NFE2L3: variants seen among roughly 807,000 people sequenced by gnomAD.
NFE2L3 encodes NFE2 like bZIP transcription factor 3.
Under a neutral mutation model 23.5 loss-of-function variants are expected in NFE2L3, and 18 were observed. The ratio of observed to expected loss-of-function variants is 0.77; its 90% CI spans 0.53 to 1.13. The LOEUF (loss-of-function observed/expected upper bound fraction) is 1.13. Ranked by LOEUF, NFE2L3 falls within the 50% of genes most tolerant of loss-of-function variation. The probability of loss-of-function intolerance (pLI) is 0.00; values close to 1 mark genes in which losing one functional copy is unlikely to be tolerated. For synonymous variants in NFE2L3, 424 were observed against 354.5 expected (o/e 1.20, Z -2.20); for missense variants, 1,152 against 877.2 (o/e 1.31, Z -3.96).
At position 26,184,878 on chromosome 7, in the gene NFE2L3, T is replaced by C; in HGVS notation, c.1180T>C (p.Leu394=). 6.2e-7 allele frequency: 1 copy of C among 1,613,768 alleles called. No individual in the cohort carries two copies. The highest frequency in any genetic ancestry group is 8.5e-7 in the Non-Finnish European group (1 of 1,179,746). ...CATAAATATATTTGATGAGATAAACTTAATGTCATTGGCCACAGAAGACAA... is the reference window on the plus strand; with the variant it reads ...CATAAATATATTTGATGAGATAAACCTAATGTCATTGGCCACAGAAGACAA... The part of the protein sequence containing the change: ...LDINIFDEIN[L]MSLATEDNFD... Residue 394 remains leucine, a synonymous_variant, in exon 4 of 4, where the codon TTA becomes CTA. Transcript: ENST00000056233.
chr7:26,181,252 C>T lies in NFE2L3; in HGVS notation c.751-2449C>T, dbSNP rs190276984. Among the ~76,000 whole-genome samples, 101 of 152,292 alleles carry T rather than the reference C, an allele frequency of 6.6e-4. No individual in the cohort carries two copies. In the East Asian group the frequency reaches 0.017, roughly 26 times the overall value. Reference sequence around the variant, plus strand: ...TTGGCCTCCCAAAGTGCTGGGATTACAGGTGTGAGCCACTGCACCCAGCCA... The same window carrying T: ...TTGGCCTCCCAAAGTGCTGGGATTATAGGTGTGAGCCACTGCACCCAGCCA... On this transcript the variant is annotated intron_variant, in intron 2 of 3. Transcript: ENST00000056233.
In NFE2L3 at chr7:26,152,560, T is replaced by C; in HGVS notation, c.62T>C (p.Leu21Pro). The C allele has an allele frequency of 6.6e-7, 1 of 1,526,662 alleles. No homozygotes were observed. Among genetic ancestry groups the C allele is most frequent in the Non-Finnish European group, 8.7e-7 (1 of 1,145,654 alleles). 94.6% of individuals were successfully genotyped at this position (1,526,662 alleles called of 1,614,324 possible). A position where few individuals can be genotyped will look rare whatever the true frequency, so the allele number is the denominator to read the frequency against. The change falls in exon 1 of 4, where the codon CTG becomes CCG. Residue 21 changes from leucine to proline, a missense_variant. Physicochemically the swap from Leu to Pro is moderately conservative, Grantham distance 98. Transcript: ENST00000056233. The surrounding 1 kb of genome is among the most constrained non-coding windows in gnomAD (Gnocchi z 4.4). ...GGCCTCCTGCACCTCACCCTCCTGC[T>C]GAGCTTGGCGGGGCTCCGCGTAGAC... ...GGGLLHLTLL[L>P]SLAGLRVDLD...
At chr7:26,172,856 A>G (rs1583932805) in intron 1 of NFE2L3, among the ~76,000 whole-genome samples, 1 of 152,050 alleles carries the variant, frequency 6.6e-6, no homozygotes, top group East Asian at 1.9e-4. Flanking sequence ...TAGTGTTATT[A>G]TTTTTCTTTT....
chr7:26,158,296 G>A (rs1784115841), intron 1 of NFE2L3, among the ~76,000 whole-genome samples: 1 of 152,110 alleles, frequency 6.6e-6, no homozygotes, highest in African/African-American at 2.4e-5. Context: ...GACATCATTG[G>A]ATAAGGGTCT....
chr7:26,153,197 G>C, intron 1 of NFE2L3, 129 bp downstream of exon 1: 4 of 892,308 alleles, frequency 4.5e-6, no homozygotes, highest in Non-Finnish European at 6.3e-6. Context: ...GTCTTTGCAG[G>C]TTCGCAGATG....
At chr7:26,175,696 G>A (rs531247752) in intron 1 of NFE2L3, among the ~76,000 whole-genome samples, 7 of 151,190 alleles carry the variant, frequency 4.6e-5, no homozygotes, top group South Asian at 4.2e-4. Context: ...GGAGAATGGC[G>A]TGAACCCGGG....
chr7:26,172,279 T>C (rs1341069963), intron 1 of NFE2L3, among the ~76,000 whole-genome samples: 1 of 152,220 alleles, frequency 6.6e-6, no homozygotes, highest in Non-Finnish European at 1.5e-5. Context: ...TTTAGCTAAA[T>C]ATAATTTCAA....
intron 1 of NFE2L3, chr7:26,174,377 G>C (rs1021947131): frequency 3.3e-5 from 5 of 152,166 alleles, no homozygotes; most frequent in Non-Finnish European, 7.3e-5. Flanking sequence ...CCAAGGGAGG[G>C]GTTTTTAAAG....
intron 2 of NFE2L3, among the ~76,000 whole-genome samples, chr7:26,183,359 C>G (rs1030415006): frequency 1.4e-5 from 2 of 147,646 alleles, no homozygotes; most frequent in African/African-American, 2.5e-5. Context: ...ACCAACTTGG[C>G]CAACATGGTG....
intron 1 of NFE2L3, among the ~76,000 whole-genome samples, chr7:26,161,645 G>C (rs1230757680): frequency 6.6e-6 from 1 of 151,970 alleles, no homozygotes; most frequent in African/African-American, 2.4e-5. Flanking sequence ...TGAATTTAAG[G>C]CTCAGAGCAG....
chr7:26,158,195 C>A (rs892383205), intron 1 of NFE2L3, among the ~76,000 whole-genome samples: 44 of 152,072 alleles, frequency 2.9e-4, no homozygotes, highest in African/African-American at 9.9e-4. Context: ...ATTACAGGCG[C>A]CTGCCACCAC....
chr7:26,179,527 A>G (rs1415077906), intron 2 of NFE2L3, among the ~76,000 whole-genome samples: 5 of 151,294 alleles, frequency 3.3e-5, no homozygotes, highest in South Asian at 4.2e-4. Context: ...GTATAACCCA[A>G]TGTAATTTCC....
rs748882173 is a variant in NFE2L3 at position 26,152,664 on chromosome 7, G to C, written c.166G>C (p.Ala56Pro). The part of the protein sequence containing the change: ...LLFLGGPASS[A>P]YALSPFSASG... ...GTTCCTGGGCGGCCCGGCCAGCTCC[G>C]CCTACGCGCTCAGCCCCTTCTCGGC... The change falls in exon 1 of 4, where the codon GCC becomes CCC. Residue 56 changes from alanine (A) to proline (P), a missense_variant. Transcript: ENST00000056233. This position sits in a 1 kb window ranked among gnomAD's most constrained non-coding sequence, Gnocchi z 4.4. 1.1e-5 allele frequency: 17 copies of C among 1,492,544 alleles called. No homozygotes were observed. In the East Asian group the frequency reaches 4.5e-4, roughly 40 times the overall value. The allele number at this position is 1,492,544 out of a possible 1,614,324, so 92.5% of individuals were successfully genotyped here.
At chr7:26,180,340 A>G (rs927860477) in intron 2 of NFE2L3, among the ~76,000 whole-genome samples, 10 of 152,188 alleles carry the variant, frequency 6.6e-5, no homozygotes, top group African/African-American at 2.2e-4. Context: ...CTCAATTGCA[A>G]CCTGGCATTT....
In NFE2L3 at chr7:26,152,651, C is replaced by T. The variant is rs919459920; in HGVS notation, c.153C>T (p.Gly51=). ...LLQDELLFLG[G]PASSAYALSP... ...AGGACGAGCTGCTGTTCCTGGGCGG[C>T]CCGGCCAGCTCCGCCTACGCGCTCA... The change falls in exon 1 of 4, where the codon GGC becomes GGT. Residue 51 remains glycine (G), a synonymous_variant. Transcript: ENST00000056233. This position sits in a 1 kb window ranked among gnomAD's most constrained non-coding sequence, Gnocchi z 4.4. 1 of 1,507,184 alleles carries T rather than the reference C, an allele frequency of 6.6e-7. No individual in the cohort carries two copies. The highest frequency in any genetic ancestry group is 8.8e-7 in the Non-Finnish European group (1 of 1,136,544). The allele number at this position is 1,507,184 out of a possible 1,614,324, so 93.4% of individuals were successfully genotyped here.
At chr7:26,167,002 C>T (rs1784260468) in intron 1 of NFE2L3, among the ~76,000 whole-genome samples, 1 of 152,188 alleles carries the variant, frequency 6.6e-6, no homozygotes, top group African/African-American at 2.4e-5. Context: ...AACCCTCTAC[C>T]ACATGACTCA....
At chr7:26,184,345 GT>G in intron 3 of NFE2L3, 187 bp from the exon 4 acceptor site, 1 of 545,774 alleles carries the variant, frequency 1.8e-6, no homozygotes, top group Non-Finnish European at 3.2e-6. Context: ...AGAATTCCAG[GT>G]ATTCTGATTT....
chr7:26,180,667 T>TC (rs747952251), intron 2 of NFE2L3, among the ~76,000 whole-genome samples: 20 of 152,332 alleles, frequency 1.3e-4, no homozygotes, highest in Non-Finnish European at 2.6e-4. Context: ...TCGTCTTTAC[T>TC]CCCTCACTGG....
rs201193253 is a variant in NFE2L3 at position 26,185,497 on chromosome 7, T to C, written c.1799T>C (p.Leu600Ser). 1.6e-4 allele frequency: 252 copies of C among 1,613,960 alleles called. 1 individual carries two copies. In the Middle Eastern group the frequency reaches 6.6e-3, roughly 42 times the overall value. Residue 600 changes from leucine to serine, a missense_variant, in exon 4 of 4, where the codon TTG becomes TCG. Leu to Ser is a moderately radical substitution (Grantham distance 145, BLOSUM62 -2). Transcript: ENST00000056233. ...VAAQNCRKRK[L>S]DIILNLEDDV... Reference sequence around the variant, plus strand: ...GCGCAGAACTGTCGTAAACGCAAATTGGACATAATTTTGAATTTAGAAGAT... The same window carrying C: ...GCGCAGAACTGTCGTAAACGCAAATCGGACATAATTTTGAATTTAGAAGAT...
Sources: allele counts gnomAD v4.1 joint callset (sites outside exome capture counted in the v4.1 genomes callset), GRCh38; gene constraint gnomAD v4.1.1; non-coding constraint Gnocchi (gnomAD v3.1); transcripts MANE v1.5; gene names NCBI Gene and HGNC (gene_info 2026-07-23, HGNC 2026-07-21).